Variants in RGS6 observed in about 807,000 individuals in gnomAD.
RGS6 encodes the protein regulator of G protein signaling 6, also known as regulator of G-protein signaling 6.
A neutral mutation model predicts 78.5 loss-of-function variants in RGS6; 30 were observed. The observed-to-expected ratio is 0.38, with a 90% CI of 0.29 to 0.52. The LOEUF is 0.52. Ranked by LOEUF, RGS6 falls within the 20% of genes least tolerant of loss-of-function variation. The pLI is 0.85. For synonymous variants in RGS6, 206 were observed against 206.0 expected (o/e 1.00, Z 0.00); for missense variants, 495 against 609.7 (o/e 0.81, Z 1.98).
chr14:72,512,546 G>A (rs1426304746), intron 14 of RGS6, among the ~76,000 whole-genome samples: 1 of 152,148 alleles, frequency 6.6e-6, no homozygotes, highest in Non-Finnish European at 1.5e-5. Flanking sequence ...GTGTTCATGT[G>A]CCAGAGCCTA....
intron 17 of RGS6, among the ~76,000 whole-genome samples, chr14:72,554,103 G>GAAGA (rs1341137178): frequency 2.6e-5 from 4 of 152,228 alleles, no homozygotes; most frequent in African/African-American, 9.6e-5. Flanking sequence ...TGATAGTGGG[G>GAAGA]AAGAAAGAAA....
chr14:72,352,013 T>C (rs1344336497), intron 2 of RGS6, 82 bp from the exon 3 acceptor site: 20 of 960,994 alleles, frequency 2.1e-5, no homozygotes, highest in African/African-American at 6.6e-5. Context: ...TCCATGTTTA[T>C]ACATTTGGGC....
At chr14:71,984,186 A>G (rs2094582034) in intron 2 of RGS6, among the ~76,000 whole-genome samples, 1 of 152,092 alleles carries the variant, frequency 6.6e-6, no homozygotes, top group Admixed American at 6.6e-5. Context: ...CAGATAAGGG[A>G]ACTGAGGGTC....
At chr14:72,455,068 C>T (rs1356814418) in intron 4 of RGS6, among the ~76,000 whole-genome samples, 1 of 152,080 alleles carries the variant, frequency 6.6e-6, no homozygotes, top group Admixed American at 6.6e-5. Context: ...AACAACAGAA[C>T]CCTGGCCAAT....
chr14:72,006,490 C>T (rs1026379109), intron 2 of RGS6, among the ~76,000 whole-genome samples: 6 of 152,238 alleles, frequency 3.9e-5, no homozygotes, highest in Admixed American at 2.6e-4. Context: ...GCTGTTGTGA[C>T]GATAGGCAAT....
chr14:72,131,322 T>G (rs1340895911), intron 2 of RGS6, among the ~76,000 whole-genome samples: 1 of 152,230 alleles, frequency 6.6e-6, no homozygotes, highest in Non-Finnish European at 1.5e-5. Context: ...TTTTAGGATT[T>G]CCCAGTCTAC....
At position 71,996,274 on chromosome 14, in the gene RGS6, A is replaced by T. The variant is rs528238952; in HGVS notation, c.84+31399A>T. 7.2e-4 allele frequency among the ~76,000 whole-genome samples: 109 copies of T among 151,664 alleles called. 1 individual carries two copies. In the South Asian group the frequency reaches 7.7e-3, roughly 11 times the overall value. On this transcript the variant is annotated intron_variant, in intron 2 of 17. Coordinates refer to ENST00000553525, the MANE Select transcript of RGS6 (RefSeq NM_001204424.2). ...CACTCCTAAGCAGTGCTGATGACTT[A>T]TTTAGCTAATATTTGTTGACTGAAT... is the stretch of plus-strand genomic sequence containing the variant.
rs1401744488 is a variant in RGS6 at position 72,031,151 on chromosome 14, C to T, written c.84+66276C>T. On this transcript the variant is annotated intron_variant, in intron 2 of 17. Coordinates refer to ENST00000553525, the MANE Select transcript of RGS6 (RefSeq NM_001204424.2). ...TGTTCATTCAAAGGGATAATTTCTT[C>T]TTTCTGAAAAACTTCTATTTTGAAA... Among the ~76,000 whole-genome samples the T allele has an allele frequency of 2.6e-5, 4 of 151,958 alleles. 1 individual carries two copies. The highest frequency in any genetic ancestry group is 5.9e-5 in the Non-Finnish European group (4 of 67,966).
intron 2 of RGS6, among the ~76,000 whole-genome samples, chr14:72,155,990 A>T (rs1196006488): frequency 1.3e-5 from 2 of 152,204 alleles, no homozygotes; most frequent in African/African-American, 2.4e-5. Flanking sequence ...GTAGACTTTT[A>T]AAAAATACTG....
At chr14:72,599,559 C>A in the RGS6 span, among the ~76,000 whole-genome samples, 333 of 148,910 alleles carry the variant, frequency 2.2e-3, no homozygotes, top group Non-Finnish European at 3.8e-3. Flanking sequence ...CAGGAGCCTG[C>A]CACCACGCCT....
rs76396908 is a variant in RGS6, at chr14:72,409,027, G to A, written c.185-45501G>A. On this transcript the variant is annotated intron_variant, in intron 3 of 17. Coordinates refer to ENST00000553525, the MANE Select transcript of RGS6 (RefSeq NM_001204424.2). ...TCAAAGTTTTTAAGCCATATATGTC[G>A]GAGTACACTTGAATTACTTCTGTAA... Among the ~76,000 whole-genome samples the A allele has an allele frequency of 5.6e-3, 847 of 152,184 alleles. 6 individuals are homozygous for A. The highest frequency in any genetic ancestry group is 0.019 in the African/African-American group (791 of 41,530).
At chr14:71,994,113 C>G (rs1054618334) in intron 2 of RGS6, among the ~76,000 whole-genome samples, 1 of 151,948 alleles carries the variant, frequency 6.6e-6, no homozygotes, top group Non-Finnish European at 1.5e-5. Context: ...ACCCAATTAT[C>G]TGGGCAAACA....
At chr14:72,257,248 C>G (rs1008335601) in intron 2 of RGS6, among the ~76,000 whole-genome samples, 2 of 152,190 alleles carry the variant, frequency 1.3e-5, no homozygotes, top group Non-Finnish European at 2.9e-5. Context: ...TTTAGAGTTT[C>G]CCATGAACAT....
chr14:72,461,240 A>G (rs2095772677), intron 6 of RGS6, among the ~76,000 whole-genome samples: 1 of 152,208 alleles, frequency 6.6e-6, no homozygotes, highest in Non-Finnish European at 1.5e-5. Flanking sequence ...TGTGAAAACC[A>G]GTATTTTTCC....
chr14:71,930,495 C>T (rs1180679995), upstream of RGS6, among the ~76,000 whole-genome samples: 1 of 152,060 alleles, frequency 6.6e-6, no homozygotes, highest in Non-Finnish European at 1.5e-5. Context: ...TCAGGAATCC[C>T]ATATAATACA....
intron 2 of RGS6, among the ~76,000 whole-genome samples, chr14:72,188,968 T>C (rs548392557): frequency 5.3e-5 from 8 of 152,318 alleles, no homozygotes; most frequent in South Asian, 2.1e-4. Context: ...CATTATTCAA[T>C]AGAACGAGGT....
the RGS6 span, chr14:72,619,334 A>G: frequency 1.3e-6 from 2 of 1,536,124 alleles, no homozygotes; most frequent in Non-Finnish European, 1.7e-6. Context: ...TTTCTCTTTG[A>G]GCAGTTCCCA....
At chr14:72,107,570 G>T (rs2095659653) in intron 2 of RGS6, among the ~76,000 whole-genome samples, 1 of 152,056 alleles carries the variant, frequency 6.6e-6, no homozygotes, top group African/African-American at 2.4e-5. Context: ...CTTTTTTACT[G>T]AGTCTTTTCA....
intron 2 of RGS6, among the ~76,000 whole-genome samples, chr14:72,278,888 T>C (rs1274007160): frequency 2.6e-5 from 4 of 152,142 alleles, no homozygotes; most frequent in South Asian, 2.1e-4. Flanking sequence ...GTTCGGTTTC[T>C]GGTGATTCCC....
Sources: allele counts gnomAD v4.1 joint callset (sites outside exome capture counted in the v4.1 genomes callset), GRCh38; gene constraint gnomAD v4.1.1; transcripts MANE v1.5; gene names NCBI Gene and HGNC (gene_info 2026-07-23, HGNC 2026-07-21).